The following TNRC6A variants were observed in gnomAD, a reference collection of about 807,000 sequenced individuals.
TNRC6A encodes the protein trinucleotide repeat-containing gene 6A protein.
TNRC6A carries 44 observed loss-of-function variants against 221.2 expected under a neutral mutation model. That is an observed-to-expected ratio of 0.20 (90% CI 0.16 to 0.26). The LOEUF is 0.26. TNRC6A is among the 10% of genes least tolerant of loss of function. TNRC6A has a pLI of 1.00. For synonymous variants in TNRC6A, 847 were observed against 838.5 expected, an observed-to-expected ratio of 1.01 and a Z score of -0.18; for missense variants, 2,199 against 2,404.4, an observed-to-expected ratio of 0.91 and a Z score of 1.79.
chr16:24,651,910 G>A (rs1213217821), intron 2 of TNRC6A, among the ~76,000 whole-genome samples: 2 of 148,574 alleles, frequency 1.3e-5, no homozygotes, highest in Non-Finnish European at 3.0e-5. Context: ...ACCAGTCTGG[G>A]CAACATAGCA....
At chr16:24,671,060 A>G in intron 2 of TNRC6A, 1 of 342,484 alleles carries the variant, frequency 2.9e-6, no homozygotes, top group South Asian at 2.1e-5. Flanking sequence ...CTCCGACAGC[A>G]CTGCAGCAGC....
intron 1 of TNRC6A, among the ~76,000 whole-genome samples, chr16:24,620,325 C>G (rs1026674344): frequency 6.6e-6 from 1 of 152,026 alleles, no homozygotes. Context: ...TAAGAGTATC[C>G]GTTTGCAATG....
In TNRC6A at chr16:24,777,117, GCCGCAGCAGCAGCAGCCA is replaced by G. The variant is rs767244578; in HGVS notation, c.350_367del (p.Pro117_Pro122del). On this transcript the variant is annotated inframe_deletion, in exon 5 of 25. Coordinates refer to ENST00000395799, the MANE Select transcript of TNRC6A (RefSeq NM_014494.4). ...AGCCACAGCAGCAGCCACAGCCGCA[GCCGCAGCAGCAGCAGCCA>G]CAGCAGCAGCCACAGGCCTTGCCTC... The G allele has an allele frequency of 5.0e-6, 8 of 1,598,836 alleles. No homozygotes were observed. The highest frequency in any genetic ancestry group is 2.2e-5 in the South Asian group (2 of 89,220).
At chr16:24,616,569 A>G (rs1900362359) in intron 1 of TNRC6A, among the ~76,000 whole-genome samples, 1 of 152,106 alleles carries the variant, frequency 6.6e-6, no homozygotes, top group Non-Finnish European at 1.5e-5. Flanking sequence ...ATTCTTTGAT[A>G]TTTGTTAAGA....
chr16:24,760,793 C>CAT (rs2057347132), intron 4 of TNRC6A, among the ~76,000 whole-genome samples: 1 of 152,170 alleles, frequency 6.6e-6, no homozygotes, highest in Non-Finnish European at 1.5e-5. Flanking sequence ...AGAGACTTCT[C>CAT]ATATACGCTT....
At chr16:24,644,080 A>AGTTTTTTTTTTTTTTTTTT (rs1902141316) in intron 2 of TNRC6A, among the ~76,000 whole-genome samples, 1 of 52,972 alleles carries the variant, frequency 1.9e-5, no homozygotes, top group African/African-American at 1.0e-4. Context: ...TCTTATCTTT[A>AGTTTTTTTTTTTTTTTTTT]ATTTTTTTTT....
At chr16:24,810,101 C>T (rs1470686933) in intron 18 of TNRC6A, among the ~76,000 whole-genome samples, 3 of 152,226 alleles carry the variant, frequency 2.0e-5, no homozygotes, top group African/African-American at 7.2e-5. Context: ...GTGTGAACTA[C>T]TGCACCTGGC....
chr16:24,786,835 C>A (rs1567471938), intron 5 of TNRC6A, among the ~76,000 whole-genome samples: 1 of 152,148 alleles, frequency 6.6e-6, no homozygotes, highest in Non-Finnish European at 1.5e-5. Context: ...GCGCCTGCCA[C>A]CACGTCCGGC....
intron 22 of TNRC6A, 160 bp from the exon 23 acceptor site, chr16:24,821,917 A>G (rs1684532148): frequency 3.0e-6 from 2 of 663,962 alleles, no homozygotes; most frequent in Admixed American, 2.7e-5. Context: ...ATGCCTGGCC[A>G]TGGCTAGGGC....
chr16:24,666,324 T>C (rs975393328), intron 2 of TNRC6A, among the ~76,000 whole-genome samples: 1 of 151,362 alleles, frequency 6.6e-6, no homozygotes, highest in African/African-American at 2.4e-5. Flanking sequence ...AAAGAAAAAA[T>C]TAGCCAGGCG....
chr16:24,704,301 T>A (rs12445846), intron 2 of TNRC6A, among the ~76,000 whole-genome samples: 26,990 of 151,706 alleles, frequency 0.18, 3,573 homozygotes, highest in East Asian at 0.35. Flanking sequence ...CGGGAGGGCA[T>A]TGCATGTGTG....
intron 2 of TNRC6A, among the ~76,000 whole-genome samples, chr16:24,657,818 T>C (rs1422072705): frequency 6.6e-6 from 1 of 152,138 alleles, no homozygotes; most frequent in African/African-American, 2.4e-5. Flanking sequence ...TAACATTGCA[T>C]TTTTGAGATA....
intron 2 of TNRC6A, chr16:24,661,831 A>G (rs1046493726): frequency 2.6e-5 from 4 of 152,234 alleles, no homozygotes; most frequent in African/African-American, 9.6e-5. Flanking sequence ...CCAGTGTGGC[A>G]AGGAAACAGA....
intron 2 of TNRC6A, among the ~76,000 whole-genome samples, chr16:24,651,205 G>A (rs548179551): frequency 2.7e-5 from 4 of 150,398 alleles, no homozygotes; most frequent in South Asian, 2.1e-4. Context: ...AAAAAAAATT[G>A]TGGTGTATCT....
intron 3 of TNRC6A, among the ~76,000 whole-genome samples, chr16:24,752,522 G>A (rs989411823): frequency 1.3e-5 from 2 of 152,132 alleles, no homozygotes; most frequent in Non-Finnish European, 2.9e-5. Context: ...TAGGCTTCTC[G>A]TGGTTTGGTA....
At chr16:24,813,133 T>C (rs2058583454) in intron 18 of TNRC6A, among the ~76,000 whole-genome samples, 1 of 152,140 alleles carries the variant, frequency 6.6e-6, no homozygotes, top group Admixed American at 6.5e-5. Flanking sequence ...TGCTTCGGCC[T>C]CCCAAAGTGC....
chr16:24,773,644 G>A (rs1204395275), intron 4 of TNRC6A, among the ~76,000 whole-genome samples: 2 of 152,048 alleles, frequency 1.3e-5, no homozygotes, highest in Non-Finnish European at 2.9e-5. Flanking sequence ...GCTTTTTTCC[G>A]GTTTTCTCTG....
chr16:24,738,018 C>G (rs2056808874), intron 2 of TNRC6A, among the ~76,000 whole-genome samples: 1 of 152,166 alleles, frequency 6.6e-6, no homozygotes, highest in Non-Finnish European at 1.5e-5. Flanking sequence ...TAGTGAAAAT[C>G]TTACAAAGAT....
In TNRC6A at chr16:24,805,640, C is replaced by T. The variant is rs984290284; in HGVS notation, c.4158C>T (p.Asn1386=). The change falls in exon 15 of 25, where the codon AAC becomes AAT. Residue 1386 remains asparagine, a synonymous_variant. Coordinates refer to ENST00000395799, the MANE Select transcript of TNRC6A (RefSeq NM_014494.4). ...CATTGCTGAAGTATGCACCAAACAA[C>T]GGTGGCCTGAATCCACTCTTTGGCC... ...PVSLLKYAPN[N]GGLNPLFGPQ... 14 of 1,614,104 alleles carry T rather than the reference C, an allele frequency of 8.7e-6. No homozygotes were observed. The highest frequency in any genetic ancestry group is 1.1e-5 in the Non-Finnish European group (13 of 1,180,036).
Sources: gnomAD v4.1 joint callset for allele counts (sites outside exome capture counted in the v4.1 genomes callset) on GRCh38, gnomAD v4.1.1 for gene constraint, MANE v1.5 for transcripts, NCBI Gene and HGNC (gene_info 2026-07-23, HGNC 2026-07-21) for gene names.